The following ANKFN1 variants were observed in gnomAD, a reference collection of about 807,000 sequenced individuals.
ANKFN1 encodes the protein ankyrin repeat and fibronectin type III domain containing 1.
ANKFN1 carries 74 observed loss-of-function variants against 108.7 expected under a neutral mutation model. That is an observed-to-expected ratio of 0.68 (90% CI 0.56 to 0.83). The LOEUF (loss-of-function observed/expected upper bound fraction) is 0.83. ANKFN1 is among the 40% of genes least tolerant of loss of function. The probability of loss-of-function intolerance (pLI) is 0.00; values close to 1 mark genes in which losing one functional copy is unlikely to be tolerated. For missense variants in ANKFN1, 1,505 were observed against 1,382.3 expected (o/e 1.09, Z -1.41); for synonymous variants, 547 against 516.2 (o/e 1.06, Z -0.81).
intron 3 of ANKFN1, among the ~76,000 whole-genome samples, chr17:56,317,984 G>GATA (rs1435409828): frequency 1.3e-5 from 2 of 152,134 alleles, no homozygotes; most frequent in Non-Finnish European, 2.9e-5. Flanking sequence ...GGGAAACAAT[G>GATA]ATAACCACCA....
intron 4 of ANKFN1, among the ~76,000 whole-genome samples, chr17:56,071,198 C>T (rs1401548475): frequency 6.6e-6 from 1 of 152,222 alleles, no homozygotes; most frequent in Non-Finnish European, 1.5e-5. Context: ...CACAACCATT[C>T]CAAGGAAGGA....
At chr17:56,327,576 C>G (rs1158615533) in intron 4 of ANKFN1, among the ~76,000 whole-genome samples, 1 of 152,178 alleles carries the variant, frequency 6.6e-6, no homozygotes, top group Non-Finnish European at 1.5e-5. Flanking sequence ...GAGCCAAGGT[C>G]ATTCTCCCAG....
At chr17:56,273,267 T>C (rs2043837253) in intron 3 of ANKFN1, among the ~76,000 whole-genome samples, 1 of 152,194 alleles carries the variant, frequency 6.6e-6, no homozygotes, top group South Asian at 2.1e-4. Context: ...TAAACAGCTC[T>C]TTGTAAATAC....
chr17:56,286,162 C>T (rs951983816), intron 3 of ANKFN1, among the ~76,000 whole-genome samples: 2 of 152,080 alleles, frequency 1.3e-5, no homozygotes, highest in African/African-American at 4.8e-5. Flanking sequence ...TCTCTTACTC[C>T]CAGCATCATC....
At chr17:56,430,365 C>T (rs753948042) in intron 8 of ANKFN1, among the ~76,000 whole-genome samples, 1 of 151,858 alleles carries the variant, frequency 6.6e-6, no homozygotes, top group Non-Finnish European at 1.5e-5. Flanking sequence ...GTAACCGGGG[C>T]AGTCGGATGG....
intron 3 of ANKFN1, among the ~76,000 whole-genome samples, chr17:56,285,064 C>A (rs1439468252): frequency 6.6e-6 from 1 of 152,174 alleles, no homozygotes; most frequent in Non-Finnish European, 1.5e-5. Context: ...AGAAAGGAAT[C>A]TTTGAGTACT....
At chr17:56,484,416 G>A (rs948438094) in intron 18 of ANKFN1, among the ~76,000 whole-genome samples, 4 of 152,134 alleles carry the variant, frequency 2.6e-5, no homozygotes, top group African/African-American at 9.7e-5. Context: ...TTGCCCCAAA[G>A]TAGGTAACTA....
At chr17:56,365,654 G>A (rs1302812037) in intron 6 of ANKFN1, among the ~76,000 whole-genome samples, 1 of 152,192 alleles carries the variant, frequency 6.6e-6, no homozygotes, top group Admixed American at 6.5e-5. Flanking sequence ...GGTAAGCTAT[G>A]TATATGAAGG....
chr17:56,096,288 A>G (rs1905532739), intron 4 of ANKFN1, among the ~76,000 whole-genome samples: 1 of 152,110 alleles, frequency 6.6e-6, no homozygotes, highest in Non-Finnish European at 1.5e-5. Flanking sequence ...CTGGTACCTT[A>G]TTGTCCTGTG....
At chr17:56,486,459 A>T (rs2050860373) in intron 18 of ANKFN1, among the ~76,000 whole-genome samples, 1 of 152,228 alleles carries the variant, frequency 6.6e-6, no homozygotes, top group Non-Finnish European at 1.5e-5. Context: ...AATAAGAATC[A>T]TGACAAACTC....
chr17:56,345,380 T>A, intron 4 of ANKFN1, among the ~76,000 whole-genome samples: 1 of 152,238 alleles, frequency 6.6e-6, no homozygotes, highest in East Asian at 1.9e-4. Context: ...TATAGTAGAA[T>A]GATTTATAAT....
chr17:56,322,724 C>T (rs2045406341), intron 3 of ANKFN1, among the ~76,000 whole-genome samples: 1 of 152,200 alleles, frequency 6.6e-6, no homozygotes, highest in Non-Finnish European at 1.5e-5. Flanking sequence ...CAAACGCCAC[C>T]TTCTCTGTGA....
intron 1 of ANKFN1, among the ~76,000 whole-genome samples, chr17:56,155,231 G>A (rs537551145): frequency 6.6e-6 from 1 of 152,300 alleles, no homozygotes; most frequent in South Asian, 2.1e-4. Context: ...TCAGAGTCAT[G>A]AGACTTATCT....
intron 2 of ANKFN1, among the ~76,000 whole-genome samples, chr17:56,216,794 G>A (rs1476915): frequency 0.12 from 18,664 of 152,166 alleles, 1,544 homozygotes; most frequent in African/African-American, 0.22. Context: ...CTCTTTAGGT[G>A]AAACTCTGCC....
At chr17:56,436,714 G>A (rs956182534) in intron 8 of ANKFN1, among the ~76,000 whole-genome samples, 4 of 151,678 alleles carry the variant, frequency 2.6e-5, no homozygotes, top group African/African-American at 7.3e-5. Context: ...CCCGTAATCC[G>A]AGCTACTTGG....
chr17:56,406,415 G>A (rs936342531), intron 8 of ANKFN1, among the ~76,000 whole-genome samples: 3 of 152,130 alleles, frequency 2.0e-5, no homozygotes, highest in Admixed American at 6.5e-5. Context: ...CATAGAGGGT[G>A]AATTTCATGA....
At position 56,457,889 on chromosome 17, in the gene ANKFN1, G is replaced by T. The variant is rs1400501065; in HGVS notation, c.1467G>T (p.Arg489Ser). ...TKLSCMWEDI[R>S]WLRQSIPISS... The stretch of plus-strand genomic sequence containing the variant: ...TGTCTTGTATGTGGGAAGATATAAG[G>T]TGGCTGAGGCAAAGCATACCAATAT... The change falls in exon 14 of 21, where the codon AGG (arginine) becomes AGT (serine). Residue 489 changes from arginine (R) to serine (S), a missense_variant. Arg to Ser is a moderately radical substitution (Grantham distance 110, BLOSUM62 -1). Transcript: ENST00000682825. The T allele has an allele frequency of 6.2e-7, 1 of 1,613,754 alleles. No homozygotes were observed. Among genetic ancestry groups the T allele is most frequent in the Non-Finnish European group, 8.5e-7 (1 of 1,179,942 alleles).
intron 6 of ANKFN1, among the ~76,000 whole-genome samples, chr17:56,357,809 G>A (rs1347095381): frequency 6.6e-6 from 1 of 152,112 alleles, no homozygotes; most frequent in African/African-American, 2.4e-5. Context: ...AATTAATGAT[G>A]AGGTCTGAAG....
chr17:56,193,837 G>A (rs1156451072), intron 1 of ANKFN1, among the ~76,000 whole-genome samples: 1 of 152,178 alleles, frequency 6.6e-6, no homozygotes, highest in Non-Finnish European at 1.5e-5. Context: ...AGAATGAAAA[G>A]ACAAGCCACA....
Sources: allele counts gnomAD v4.1 joint callset (sites outside exome capture counted in the v4.1 genomes callset), GRCh38; gene constraint gnomAD v4.1.1; transcripts MANE v1.5; gene names NCBI Gene and HGNC (gene_info 2026-07-23, HGNC 2026-07-21).